The following ATG10 variants were observed in gnomAD, a reference collection of about 807,000 sequenced individuals.
The protein encoded by ATG10 is ubiquitin-like-conjugating enzyme ATG10.
A neutral mutation model predicts 32.1 loss-of-function variants in ATG10; 30 were observed. That is an observed-to-expected ratio of 0.94 (90% CI 0.70 to 1.27). The LOEUF (loss-of-function observed/expected upper bound fraction) is 1.27. Among genes scored for constraint, ATG10 ranks in the 50% most tolerant of loss-of-function variants. The pLI, the probability that ATG10 is intolerant of heterozygous loss-of-function variation, is 0.00. For missense variants in ATG10, 233 were observed against 262.3 expected (o/e 0.89, Z 0.77); for synonymous variants, 87 against 91.5 (o/e 0.95, Z 0.28).
intron 2 of ATG10, among the ~76,000 whole-genome samples, chr5:82,033,762 A>G (rs998070584): frequency 1.3e-4 from 19 of 147,432 alleles, no homozygotes; most frequent in African/African-American, 2.0e-4. Flanking sequence ...ACACACACAT[A>G]TGTGTGTATA....
At chr5:82,149,090 A>T (rs190750440) in intron 3 of ATG10, among the ~76,000 whole-genome samples, 13 of 152,242 alleles carry the variant, frequency 8.5e-5, no homozygotes, top group Non-Finnish European at 1.8e-4. Flanking sequence ...TCTGCCTCTT[A>T]CTAATTGTGA....
At chr5:81,995,521 A>G (rs1169773949) in intron 2 of ATG10, among the ~76,000 whole-genome samples, 1 of 151,998 alleles carries the variant, frequency 6.6e-6, no homozygotes, top group East Asian at 1.9e-4. Flanking sequence ...GAGGCAAAAG[A>G]TTTGCCTGTT....
At chr5:82,010,337 A>G (rs1302090296) in intron 2 of ATG10, among the ~76,000 whole-genome samples, 1 of 152,180 alleles carries the variant, frequency 6.6e-6, no homozygotes, top group East Asian at 1.9e-4. Context: ...AATTAGATAA[A>G]TAAGTGTTGC....
At chr5:82,197,502 G>A (rs199618056) in intron 5 of ATG10, among the ~76,000 whole-genome samples, 1 of 148,030 alleles carries the variant, frequency 6.8e-6, no homozygotes, top group Non-Finnish European at 1.5e-5. Flanking sequence ...CTACCTACCT[G>A]CCTATCTACC....
intron 5 of ATG10, among the ~76,000 whole-genome samples, chr5:82,199,318 T>A (rs942333820): frequency 6.6e-6 from 1 of 152,218 alleles, no homozygotes; most frequent in Non-Finnish European, 1.5e-5. Context: ...ATTTTCTTTT[T>A]AATAAATTTC....
At chr5:81,981,501 G>A (rs1015169109) in intron 1 of ATG10, among the ~76,000 whole-genome samples, 3 of 152,014 alleles carry the variant, frequency 2.0e-5, no homozygotes, top group Admixed American at 2.0e-4. Flanking sequence ...CTACCTGATA[G>A]TGCATGTTTT....
chr5:82,226,370 T>C (rs1297999478), intron 5 of ATG10, among the ~76,000 whole-genome samples: 1 of 149,740 alleles, frequency 6.7e-6, no homozygotes, highest in Admixed American at 6.7e-5. Context: ...TTTTTACTTC[T>C]TTTTTTTTTC....
chr5:82,082,417 A>G (rs1764516232), intron 3 of ATG10, among the ~76,000 whole-genome samples: 1 of 152,200 alleles, frequency 6.6e-6, no homozygotes, highest in South Asian at 2.1e-4. Context: ...AAACCCAGAA[A>G]TATCTCAGTA....
At chr5:82,118,431 A>G (rs747495269) in intron 3 of ATG10, among the ~76,000 whole-genome samples, 11 of 77,928 alleles carry the variant, frequency 1.4e-4, no homozygotes, top group Admixed American at 9.1e-4. Flanking sequence ...CTAGCACCTG[A>G]CCCAGTGTCT....
At chr5:82,096,942 C>A (rs762072598) in intron 3 of ATG10, among the ~76,000 whole-genome samples, 48 of 152,098 alleles carry the variant, frequency 3.2e-4, no homozygotes, top group Non-Finnish European at 3.8e-4. Flanking sequence ...AAATTACCTA[C>A]AAGGAAATGT....
At chr5:82,234,524 A>C (rs1746486094) in intron 5 of ATG10, among the ~76,000 whole-genome samples, 3 of 152,294 alleles carry the variant, frequency 2.0e-5, no homozygotes, top group East Asian at 1.9e-4. Flanking sequence ...AGGTAGAGAG[A>C]CATGCTAGAA....
intron 3 of ATG10, among the ~76,000 whole-genome samples, chr5:82,139,850 GC>G (rs1178995030): frequency 9.2e-5 from 12 of 130,358 alleles, no homozygotes; most frequent in African/African-American, 3.5e-4. Context: ...GGGGGGGTCA[GC>G]CCCCCCACCC....
intron 2 of ATG10, among the ~76,000 whole-genome samples, chr5:81,997,929 G>C (rs868258602): frequency 6.6e-6 from 1 of 152,246 alleles, no homozygotes; most frequent in Non-Finnish European, 1.5e-5. Flanking sequence ...ATCCCTGAAA[G>C]AGAGGGAGAG....
At chr5:82,080,990 A>G (rs113782455) in intron 3 of ATG10, among the ~76,000 whole-genome samples, 4 of 152,338 alleles carry the variant, frequency 2.6e-5, no homozygotes, top group African/African-American at 9.6e-5. Context: ...CTTCCTGTCC[A>G]TGAGCATGGA....
intron 3 of ATG10, among the ~76,000 whole-genome samples, chr5:82,115,189 G>A (rs1487227920): frequency 6.6e-6 from 1 of 152,048 alleles, no homozygotes; most frequent in Non-Finnish European, 1.5e-5. Context: ...ACGATGAAAA[G>A]TTTAAAAGGC....
intron 2 of ATG10, among the ~76,000 whole-genome samples, chr5:82,023,400 C>T (rs532076798): frequency 7.3e-4 from 111 of 152,096 alleles, no homozygotes; most frequent in South Asian, 2.9e-3. Context: ...TAGTAATTGT[C>T]TTTAACAGAT....
chr5:82,169,918 T>G (rs1581765043), intron 4 of ATG10, among the ~76,000 whole-genome samples: 1 of 152,338 alleles, frequency 6.6e-6, no homozygotes, highest in East Asian at 1.9e-4. Flanking sequence ...TTTGGGGAAT[T>G]AGGATAGAAG....
chr5:82,059,761 C>T (rs189367284), intron 3 of ATG10, among the ~76,000 whole-genome samples: 1 of 152,238 alleles, frequency 6.6e-6, no homozygotes, highest in African/African-American at 2.4e-5. Context: ...TGCTGGCCTG[C>T]AAGTAACTTT....
intron 5 of ATG10, among the ~76,000 whole-genome samples, chr5:82,195,358 A>G (rs1302807505): frequency 6.6e-6 from 1 of 152,230 alleles, no homozygotes; most frequent in Non-Finnish European, 1.5e-5. Context: ...ATAACCAACC[A>G]GTCACTGAGA....
Sources: allele counts gnomAD v4.1 joint callset (sites outside exome capture counted in the v4.1 genomes callset), GRCh38; gene constraint gnomAD v4.1.1; transcripts MANE v1.5; gene names NCBI Gene and HGNC (gene_info 2026-07-23, HGNC 2026-07-21).